The following CSGALNACT1 variants were observed in gnomAD, a reference collection of about 807,000 sequenced individuals.
CSGALNACT1 encodes the protein beta4GalNAcT-1.
Under a neutral mutation model 51.0 loss-of-function variants are expected in CSGALNACT1, and 52 were observed. The observed-to-expected ratio is 1.02, with a 90% CI of 0.82 to 1.29. The LOEUF is 1.29. CSGALNACT1 is among the 50% of genes most tolerant of loss of function. The pLI is 0.00. For synonymous variants in CSGALNACT1, 341 were observed against 254.4 expected (o/e 1.34, Z -3.24); for missense variants, 935 against 679.2 (o/e 1.38, Z -4.19).
chr8:19,443,797 G>T (rs2061694832), intron 5 of CSGALNACT1, among the ~76,000 whole-genome samples: 1 of 152,120 alleles, frequency 6.6e-6, no homozygotes, highest in Non-Finnish European at 1.5e-5. Context: ...CCAAAATCCA[G>T]ATGTTCATGG....
At chr8:19,475,868 A>G (rs1276666103) in intron 4 of CSGALNACT1, among the ~76,000 whole-genome samples, 2 of 152,204 alleles carry the variant, frequency 1.3e-5, no homozygotes, top group Admixed American at 6.5e-5. Context: ...AGAGAACTGA[A>G]TTTCCATTCC....
At chr8:19,421,021 T>C (rs2057836607) in intron 6 of CSGALNACT1, among the ~76,000 whole-genome samples, 1 of 152,194 alleles carries the variant, frequency 6.6e-6, no homozygotes, top group African/African-American at 2.4e-5. Context: ...CCAGATTCCT[T>C]CCGCATCCTC....
At chr8:19,569,954 A>G (rs1005083803) in intron 3 of CSGALNACT1, among the ~76,000 whole-genome samples, 9 of 152,210 alleles carry the variant, frequency 5.9e-5, no homozygotes, top group African/African-American at 1.7e-4. Context: ...AAAGGAAGAT[A>G]TACTCTATGA....
At chr8:19,464,731 A>G (rs1225679448) in intron 4 of CSGALNACT1, among the ~76,000 whole-genome samples, 1 of 152,150 alleles carries the variant, frequency 6.6e-6, no homozygotes, top group Non-Finnish European at 1.5e-5. Flanking sequence ...AATTGAAATA[A>G]TGCCTGATGA....
At chr8:19,669,635 T>C (rs2059637967) in intron 1 of CSGALNACT1, among the ~76,000 whole-genome samples, 1 of 151,210 alleles carries the variant, frequency 6.6e-6, no homozygotes, top group South Asian at 2.1e-4. Context: ...TGTTTGTTTG[T>C]TTTTGTTTTG....
At chr8:19,409,859 A>G (rs931607662) in intron 8 of CSGALNACT1, among the ~76,000 whole-genome samples, 10 of 151,998 alleles carry the variant, frequency 6.6e-5, no homozygotes, top group Admixed American at 1.3e-4. Flanking sequence ...TCACTTCTTC[A>G]TGCATCTATT....
rs191564713 is a variant in CSGALNACT1, at chr8:19,528,618, C to A, written c.-296-22488G>T. 2.0e-5 allele frequency among the ~76,000 whole-genome samples: 3 copies of A among 152,230 alleles called. 1 individual carries two copies. The highest frequency in any genetic ancestry group is 4.4e-5 in the Non-Finnish European group (3 of 68,024). On this transcript the variant is annotated intron_variant, in intron 3 of 9. Transcript: ENST00000454498. ...CTTTCTGAGGAGATCCAATCTAGAG[C>A]AAATCTCTCCTTCCTTAAACCCACC...
At chr8:19,584,693 T>C (rs2046266284) in intron 3 of CSGALNACT1, among the ~76,000 whole-genome samples, 1 of 152,232 alleles carries the variant, frequency 6.6e-6, no homozygotes, top group Non-Finnish European at 1.5e-5. Context: ...TATGATATTG[T>C]TTTCTTTCAC....
At chr8:19,652,818 C>T (rs190159302) in intron 1 of CSGALNACT1, among the ~76,000 whole-genome samples, 109 of 152,244 alleles carry the variant, frequency 7.2e-4, no homozygotes, top group African/African-American at 2.5e-3. Flanking sequence ...TTGACTTCTC[C>T]GCAGCAACGG....
At chr8:19,564,758 T>C (rs1379906337) in intron 3 of CSGALNACT1, among the ~76,000 whole-genome samples, 2 of 152,244 alleles carry the variant, frequency 1.3e-5, no homozygotes, top group Admixed American at 6.5e-5. Flanking sequence ...TCTAATTCTC[T>C]GCATAGCACT....
chr8:19,603,796 G>T (rs1272866864), upstream of CSGALNACT1, among the ~76,000 whole-genome samples: 1 of 152,102 alleles, frequency 6.6e-6, no homozygotes, highest in Non-Finnish European at 1.5e-5. Context: ...AAAAAGGGGG[G>T]AAATCTACAT....
intron 6 of CSGALNACT1, 150 bp downstream of exon 5, chr8:19,439,680 G>A: frequency 1.4e-6 from 1 of 702,756 alleles, no homozygotes; most frequent in Non-Finnish European, 2.6e-6. Context: ...GAGGAGTGCA[G>A]ACTTTTCCCT....
In CSGALNACT1 at chr8:19,540,593, T is replaced by C. The variant is rs116668068; in HGVS notation, c.-296-34463A>G. ...GCAACATAAGGAAAAATTTCAAATG[T>C]CTTAATGTGGTGGGCCAGGTTCTTT... is the stretch of plus-strand genomic sequence containing the variant. On this transcript the variant is annotated intron_variant, in intron 3 of 9. Transcript: ENST00000454498. 1.9e-3 allele frequency among the ~76,000 whole-genome samples: 295 copies of C among 152,292 alleles called. 1 individual carries two copies. Among genetic ancestry groups the C allele is most frequent in the African/African-American group, 6.8e-3 (281 of 41,562 alleles).
intron 6 of CSGALNACT1, among the ~76,000 whole-genome samples, chr8:19,432,955 A>AT (rs909149494): frequency 6.1e-4 from 91 of 149,796 alleles, no homozygotes; most frequent in African/African-American, 1.9e-3. Flanking sequence ...CTAATGACCG[A>AT]TTTTTTTTTT....
At chr8:19,469,251 C>A (rs1021537262) in intron 4 of CSGALNACT1, among the ~76,000 whole-genome samples, 1 of 152,104 alleles carries the variant, frequency 6.6e-6, no homozygotes, top group Non-Finnish European at 1.5e-5. Context: ...ATTAGCAGGG[C>A]ATGGTGCTGT....
chr8:19,418,956 A>G (rs1202298531), intron 7 of CSGALNACT1, among the ~76,000 whole-genome samples: 1 of 151,882 alleles, frequency 6.6e-6, no homozygotes, highest in Non-Finnish European at 1.5e-5. Flanking sequence ...AAGTGATTCT[A>G]CTGCCTCAGC....
At chr8:19,627,520 A>C (rs1310923676) in intron 1 of CSGALNACT1, among the ~76,000 whole-genome samples, 1 of 152,006 alleles carries the variant, frequency 6.6e-6, no homozygotes, top group Admixed American at 6.6e-5. Context: ...CACACACACA[A>C]ACACAAAAAA....
chr8:19,532,545 G>A (rs2082973845), intron 3 of CSGALNACT1, among the ~76,000 whole-genome samples: 1 of 152,112 alleles, frequency 6.6e-6, no homozygotes, highest in Non-Finnish European at 1.5e-5. Flanking sequence ...TGCCATTATA[G>A]TTTTACTAAA....
At chr8:19,597,082 G>A (rs903662504) in intron 2 of CSGALNACT1, among the ~76,000 whole-genome samples, 3 of 152,012 alleles carry the variant, frequency 2.0e-5, no homozygotes, top group Non-Finnish European at 2.9e-5. Flanking sequence ...CATATTAGTG[G>A]AATCACACAG....
Sources: allele counts gnomAD v4.1 joint callset (sites outside exome capture counted in the v4.1 genomes callset), GRCh38; gene constraint gnomAD v4.1.1; transcripts MANE v1.5; gene names NCBI Gene and HGNC (gene_info 2026-07-23, HGNC 2026-07-21).